The following NLRP1 variants were observed in gnomAD, a reference collection of about 807,000 sequenced individuals.
NLRP1 encodes the protein NACHT, LRR and PYD domains-containing protein 1.
Under a neutral mutation model 136.7 loss-of-function variants are expected in NLRP1, and 94 were observed. That is an observed-to-expected ratio of 0.69 (90% CI 0.58 to 0.82). The LOEUF (loss-of-function observed/expected upper bound fraction) is 0.82, where lower values mean the gene tolerates loss of function less well. Ranked by LOEUF, NLRP1 falls within the 40% of genes least tolerant of loss-of-function variation. The pLI is 0.00. For missense variants in NLRP1, 1,575 were observed against 1,802.7 expected (o/e 0.87, Z 2.29); for synonymous variants, 690 against 725.1 (o/e 0.95, Z 0.78).
intron 15 of NLRP1, among the ~76,000 whole-genome samples, chr17:5,508,984 A>G (rs1223006172): frequency 6.6e-6 from 1 of 152,228 alleles, no homozygotes; most frequent in East Asian, 1.9e-4. Flanking sequence ...TTTCAGGATT[A>G]ACAATACTCT....
chr17:5,507,961 C>T (rs1308227681), intron 15 of NLRP1, among the ~76,000 whole-genome samples: 1 of 151,878 alleles, frequency 6.6e-6, no homozygotes, highest in Non-Finnish European at 1.5e-5. Flanking sequence ...TGGTGAAACC[C>T]CATCTCTACT....
Position 5,541,749 on chromosome 17 carries a change from T to A in NLRP1, c.2699+108A>T. The A allele has an allele frequency of 8.9e-7, 1 of 1,129,104 alleles. No individual in the cohort carries two copies. The highest frequency in any genetic ancestry group is 2.4e-5 in the East Asian group (1 of 42,036). The allele number at this position is 1,129,104 out of a possible 1,614,324, so 69.9% of individuals were successfully genotyped here. A position where few individuals can be genotyped will look rare whatever the true frequency, so the allele number is the denominator to read the frequency against. On this transcript the variant is annotated intron_variant, in intron 6 of 16. Transcript: ENST00000572272. This position sits in a 1 kb window ranked among gnomAD's most constrained non-coding sequence, Gnocchi z 4.2. ...GCCTGGCTGAGATCCTGTAGGCTCC[T>A]CCCACTCCCACAAAGCAGGTCTCAC...
At chr17:5,519,784 C>A (rs28704982) in intron 14 of NLRP1, among the ~76,000 whole-genome samples, 58,960 of 149,660 alleles carry the variant, frequency 0.39, 11,870 homozygotes, top group Admixed American at 0.42. Context: ...TGCTTTCACT[C>A]TTGCCTGCTT....
chr17:5,522,986 G>A (rs1330629866), intron 12 of NLRP1, among the ~76,000 whole-genome samples: 2 of 152,152 alleles, frequency 1.3e-5, no homozygotes, highest in African/African-American at 2.4e-5. Flanking sequence ...CCCCCACTCA[G>A]GATGCTACTA....
chr17:5,559,400 C>T lies in NLRP1; in HGVS notation c.1296G>A (p.Gln432=), dbSNP rs1216386537. The T allele has an allele frequency of 5.0e-6, 8 of 1,614,050 alleles. No individual in the cohort carries two copies. The highest frequency in any genetic ancestry group is 6.8e-6 in the Non-Finnish European group (8 of 1,179,962). Reference sequence around the variant, plus strand: ...CCAGCAGTGCATCCGCCGGCTGTGGCTGGCTCCAGTGCAGACAGAGCTCAG... The same window carrying T: ...CCAGCAGTGCATCCGCCGGCTGTGGTTGGCTCCAGTGCAGACAGAGCTCAG... ...PSSELCLHWS[Q]PQPADALLGS... Residue 432 remains glutamine, a synonymous_variant, in exon 4 of 17, where the codon CAG becomes CAA. Coordinates refer to ENST00000572272, the MANE Select transcript of NLRP1 (RefSeq NM_033004.4).
chr17:5,523,411 C>T (rs944306227), intron 12 of NLRP1, among the ~76,000 whole-genome samples: 1 of 152,228 alleles, frequency 6.6e-6, no homozygotes, highest in African/African-American at 2.4e-5. Flanking sequence ...TCCGTATTTT[C>T]CTGATGTGAC....
chr17:5,521,715 C>G lies in NLRP1; in HGVS notation c.3592G>C (p.Ala1198Pro). Reference protein sequence around the residue: ...KEEGMLLEKPARVELHHIVLE... With the variant: ...KEEGMLLEKPPRVELHHIVLE... Reference sequence around the variant, plus strand: ...ACTATGTGATGCAGCTCCACCCTGGCTGGCTTCTCCAGGAGCATCCCCTCC... The same window carrying G: ...ACTATGTGATGCAGCTCCACCCTGGGTGGCTTCTCCAGGAGCATCCCCTCC... The change falls in exon 13 of 17, where the codon GCC (alanine) becomes CCC (proline). Residue 1198 changes from alanine to proline, a missense_variant. Transcript: ENST00000572272. The G allele has an allele frequency of 6.2e-7, 1 of 1,613,392 alleles. No individual in the cohort carries two copies. Among genetic ancestry groups the G allele is most frequent in the Non-Finnish European group, 8.5e-7 (1 of 1,180,006 alleles).
intron 4 of NLRP1, among the ~76,000 whole-genome samples, chr17:5,556,777 C>T (rs1028315340): frequency 2.6e-5 from 4 of 152,040 alleles, no homozygotes; most frequent in African/African-American, 4.8e-5. Context: ...GCGCCTGACA[C>T]CATTTTCGGC....
downstream of NLRP1, among the ~76,000 whole-genome samples, chr17:5,510,234 C>T (rs369771313): frequency 7.9e-5 from 12 of 152,176 alleles, no homozygotes; most frequent in African/African-American, 2.9e-4. Context: ...CTTGCTCTGT[C>T]TCCAGGGCTG....
chr17:5,550,139 AT>A (rs60570487), intron 5 of NLRP1, among the ~76,000 whole-genome samples: 85,820 of 150,104 alleles, frequency 0.57, 24,880 homozygotes, highest in East Asian at 0.83. Flanking sequence ...TGGCCTGCAG[AT>A]TTTTTTTTTT....
intron 3 of NLRP1, among the ~76,000 whole-genome samples, chr17:5,575,288 G>A (rs1904899113): frequency 6.6e-6 from 1 of 152,146 alleles, no homozygotes; most frequent in Admixed American, 6.5e-5. Context: ...AACCTTAAAT[G>A]TAAATGGGCT....
chr17:5,545,193 C>T (rs555443374), intron 5 of NLRP1, among the ~76,000 whole-genome samples: 10 of 152,240 alleles, frequency 6.6e-5, no homozygotes, highest in African/African-American at 2.2e-4. Flanking sequence ...CTGTAATCCC[C>T]ACACTTTTGG....
intron 3 of NLRP1, among the ~76,000 whole-genome samples, chr17:5,565,495 C>T (rs1462562860): frequency 6.6e-6 from 1 of 152,132 alleles, no homozygotes; most frequent in Non-Finnish European, 1.5e-5. Flanking sequence ...TTGACATGAT[C>T]TTGTTTGTCC....
At chr17:5,565,882 T>G (rs998940818) in intron 3 of NLRP1, among the ~76,000 whole-genome samples, 3 of 152,228 alleles carry the variant, frequency 2.0e-5, no homozygotes, top group South Asian at 2.1e-4. Context: ...GTTTAGGTTT[T>G]GGATTTCTTC....
intron 7 of NLRP1, among the ~76,000 whole-genome samples, chr17:5,538,114 G>A (rs190790734): frequency 1.3e-5 from 2 of 152,342 alleles, no homozygotes; most frequent in East Asian, 3.9e-4. Context: ...CTCTGAGAAG[G>A]CTCTGGATGT....
chr17:5,579,692 T>C (rs1209039392), intron 3 of NLRP1, among the ~76,000 whole-genome samples: 1 of 152,106 alleles, frequency 6.6e-6, no homozygotes, highest in African/African-American at 2.4e-5. Flanking sequence ...ACCATACTGC[T>C]AAAGAAAATG....
chr17:5,570,107 A>G (rs75345050), intron 3 of NLRP1, among the ~76,000 whole-genome samples: 2,706 of 152,168 alleles, frequency 0.018, 75 homozygotes, highest in African/African-American at 0.062. Flanking sequence ...TGGGACACAG[A>G]TAAAGCAGTG....
At chr17:5,545,021 C>G (rs1162137333) in intron 5 of NLRP1, among the ~76,000 whole-genome samples, 1 of 152,040 alleles carries the variant, frequency 6.6e-6, no homozygotes, top group African/African-American at 2.4e-5. Flanking sequence ...ACTCAAATAC[C>G]ACTCTCCATC....
intron 15 of NLRP1, among the ~76,000 whole-genome samples, chr17:5,507,701 G>A (rs1907417375): frequency 2.0e-5 from 3 of 152,236 alleles, no homozygotes; most frequent in South Asian, 4.1e-4. Context: ...GCACGTGCCT[G>A]TAGTCCCAGT....
Sources: allele counts gnomAD v4.1 joint callset (sites outside exome capture counted in the v4.1 genomes callset), GRCh38; gene constraint gnomAD v4.1.1; non-coding constraint Gnocchi (gnomAD v3.1); transcripts MANE v1.5; gene names NCBI Gene and HGNC (gene_info 2026-07-23, HGNC 2026-07-21).